Variants in MECOM observed in about 807,000 individuals in gnomAD.
The protein encoded by MECOM is histone-lysine N-methyltransferase MECOM.
In MECOM, 13 loss-of-function variants were observed where a neutral mutation model predicts 116.3. The ratio of observed to expected loss-of-function variants is 0.11; its 90% CI spans 0.07 to 0.18. MECOM has a LOEUF of 0.18. Ranked by LOEUF, MECOM falls within the 10% of genes least tolerant of loss-of-function variation. The pLI is 1.00. For missense variants in MECOM, 1,299 were observed against 1,509.0 expected, an observed-to-expected ratio of 0.86 and a Z score of 2.31; for synonymous variants, 528 against 535.2, an observed-to-expected ratio of 0.99 and a Z score of 0.19.
At position 169,116,394 on chromosome 3, in the gene MECOM, C is replaced by A; in HGVS notation, c.1478G>T (p.Gly493Val). 6.2e-7 allele frequency: 1 copy of A among 1,614,062 alleles called. No homozygotes were observed. Among genetic ancestry groups the A allele is most frequent in the Non-Finnish European group, 8.5e-7 (1 of 1,180,032 alleles). Reference protein sequence around the residue: ...TAPGFSFSFPGLFPSGLYHRP... With the variant: ...TAPGFSFSFPVLFPSGLYHRP... ...GTGGTACAAGCCGGAAGGAAACAGACCAGGGAAGCTAAAAGAAAATCCAGG... is the reference window on the plus strand; with the variant it reads ...GTGGTACAAGCCGGAAGGAAACAGAACAGGGAAGCTAAAAGAAAATCCAGG... The change falls in exon 8 of 17, where the codon GGT (glycine) becomes GTT (valine). Residue 493 changes from glycine (G) to valine (V), a missense_variant. Physicochemically the swap from Gly to Val is moderately radical, Grantham distance 109 (BLOSUM62 -3). This residue lies in a region of MECOM where 238 missense variants were observed against 273.1 expected (regional missense o/e 0.87). Transcript: ENST00000651503.
At chr3:169,202,873 T>C (rs565719204) in intron 2 of MECOM, among the ~76,000 whole-genome samples, 2 of 140,396 alleles carry the variant, frequency 1.4e-5, no homozygotes, top group African/African-American at 5.2e-5. Flanking sequence ...TTTCTGGGAA[T>C]CAAAATCAGC....
At chr3:169,544,896 G>A (rs1367749156) in intron 1 of MECOM, among the ~76,000 whole-genome samples, 1 of 152,168 alleles carries the variant, frequency 6.6e-6, no homozygotes, top group Non-Finnish European at 1.5e-5. Context: ...GGGAGGAAGA[G>A]CATTAGGACA....
At chr3:169,608,720 C>T (rs562787790) in intron 1 of MECOM, among the ~76,000 whole-genome samples, 6 of 152,134 alleles carry the variant, frequency 3.9e-5, no homozygotes, top group African/African-American at 1.2e-4. Context: ...AACTGGCTCA[C>T]GTTCTGTTAA....
chr3:169,134,051 CA>C (rs1735597073), intron 3 of MECOM: 2 of 772,252 alleles, frequency 2.6e-6, no homozygotes, highest in Admixed American at 5.1e-5. Flanking sequence ...CCCTACAAGA[CA>C]GTAAAACAGT....
chr3:169,625,761 G>A (rs568510706), intron 1 of MECOM, among the ~76,000 whole-genome samples: 2 of 152,212 alleles, frequency 1.3e-5, no homozygotes, highest in Admixed American at 1.3e-4. Context: ...CTATCATTAG[G>A]CCCAGTAAAA....
At chr3:169,437,403 A>G (rs191053441) in intron 1 of MECOM, among the ~76,000 whole-genome samples, 191 of 152,346 alleles carry the variant, frequency 1.3e-3, no homozygotes, top group African/African-American at 4.0e-3. Context: ...ACATTCAAAT[A>G]TTAACTTTTT....
At chr3:169,180,787 T>G (rs1745844434) in intron 2 of MECOM, among the ~76,000 whole-genome samples, 3 of 78,700 alleles carry the variant, frequency 3.8e-5, no homozygotes, top group African/African-American at 1.5e-4. Flanking sequence ...TGTGTGTGTG[T>G]GGAGATGATA....
chr3:169,349,305 T>C (rs1303003338), intron 2 of MECOM, among the ~76,000 whole-genome samples: 1 of 151,864 alleles, frequency 6.6e-6, no homozygotes, highest in East Asian at 1.9e-4. Flanking sequence ...CTAGTAGAAA[T>C]TTTCTACTGT....
Position 169,085,061 on chromosome 3 carries a change from G to A in MECOM, c.3586-18C>T. 1 of 1,613,540 alleles carries A rather than the reference G, an allele frequency of 6.2e-7. No individual in the cohort carries two copies. Among genetic ancestry groups the A allele is most frequent in the Non-Finnish European group, 8.5e-7 (1 of 1,179,756 alleles). On this transcript the variant is annotated intron_variant, in intron 16 of 16. Transcript: ENST00000651503. ...GCATATGCCTGGGGTAAAAAGGAGA[G>A]AGACTCAGTAAATGGCATTTGAAAA... is the stretch of plus-strand genomic sequence containing the variant.
rs758256741 is a variant in MECOM at position 169,143,823 on chromosome 3, C to G, written c.385G>C (p.Glu129Gln). ...ATGCAGAACTTCACATTGTAAAATT[C>G]GTCTAAGATCTGGAGGGAAGAAGAT... ...DPSYGWEILD[E>Q]FYNVKFCIDA... is the part of the protein sequence containing the mutation. Residue 129 changes from glutamate (E) to glutamine (Q), a missense_variant, in exon 3 of 17, where the codon GAA (glutamate) becomes CAA (glutamine). Coordinates refer to ENST00000651503, the MANE Select transcript of MECOM (RefSeq NM_004991.4). 6.2e-7 allele frequency: 1 copy of G among 1,604,890 alleles called. No individual in the cohort carries two copies. Among genetic ancestry groups the G allele is most frequent in the Admixed American group, 1.7e-5 (1 of 58,702 alleles).
At chr3:169,526,091 C>A (rs544921087) in intron 1 of MECOM, among the ~76,000 whole-genome samples, 1 of 151,674 alleles carries the variant, frequency 6.6e-6, no homozygotes, top group East Asian at 1.9e-4. Context: ...CACACAAAAA[C>A]AAATGCACTG....
intron 1 of MECOM, among the ~76,000 whole-genome samples, chr3:169,648,415 G>A (rs1774447341): frequency 6.6e-6 from 1 of 152,036 alleles, no homozygotes; most frequent in African/African-American, 2.4e-5. Flanking sequence ...GTATTTTTAG[G>A]TCAAAAAAAT....
chr3:169,237,348 C>G (rs1207002577), intron 2 of MECOM, among the ~76,000 whole-genome samples: 1 of 152,034 alleles, frequency 6.6e-6, no homozygotes, highest in Admixed American at 6.6e-5. Context: ...AGAGTCAGAA[C>G]TCTTGTCTGA....
intron 1 of MECOM, among the ~76,000 whole-genome samples, chr3:169,423,782 G>A (rs1450028018): frequency 2.0e-5 from 3 of 152,098 alleles, no homozygotes; most frequent in East Asian, 1.9e-4. Context: ...TCCAAGCAAA[G>A]ACAAAGATTC....
At chr3:169,396,104 T>A (rs368306975) in intron 1 of MECOM, among the ~76,000 whole-genome samples, 2 of 152,326 alleles carry the variant, frequency 1.3e-5, no homozygotes, top group African/African-American at 4.8e-5. Context: ...GATAAAGAAT[T>A]CTTACTGACC....
intron 1 of MECOM, among the ~76,000 whole-genome samples, chr3:169,574,216 C>T (rs1158325587): frequency 2.0e-5 from 3 of 152,110 alleles, no homozygotes; most frequent in Non-Finnish European, 2.9e-5. Context: ...TTTCCAAATA[C>T]GTCATGGCTA....
intron 1 of MECOM, among the ~76,000 whole-genome samples, chr3:169,518,235 G>A (rs960395028): frequency 6.6e-6 from 1 of 151,532 alleles, no homozygotes; most frequent in African/African-American, 2.4e-5. Context: ...CTCCAGCCTG[G>A]GCGACAGAGT....
intron 1 of MECOM, among the ~76,000 whole-genome samples, chr3:169,589,882 C>T (rs1035110687): frequency 6.6e-6 from 1 of 152,216 alleles, no homozygotes; most frequent in Non-Finnish European, 1.5e-5. Context: ...GTTTCTAAGG[C>T]TGATTCCCTT....
At chr3:169,438,732 G>A (rs1363503261) in intron 1 of MECOM, among the ~76,000 whole-genome samples, 1 of 152,158 alleles carries the variant, frequency 6.6e-6, no homozygotes, top group Non-Finnish European at 1.5e-5. Context: ...GTGAAGAAAT[G>A]TTTCAGGTAC....
Sources: gnomAD v4.1 joint callset for allele counts (sites outside exome capture counted in the v4.1 genomes callset) on GRCh38, gnomAD v4.1.1 for gene constraint, gnomAD v4.1.1 regional missense constraint, MANE v1.5 for transcripts, NCBI Gene and HGNC (gene_info 2026-07-23, HGNC 2026-07-21) for gene names.